The following CPED1 variants were observed in gnomAD, a reference collection of about 807,000 sequenced individuals.
The protein encoded by CPED1 is cadherin like and PC-esterase domain containing 1, also known as cadherin-like and PC-esterase domain-containing protein 1.
In CPED1, 114 loss-of-function variants were observed where a neutral mutation model predicts 128.2. The ratio of observed to expected loss-of-function variants is 0.89; its 90% CI spans 0.76 to 1.04. The LOEUF (loss-of-function observed/expected upper bound fraction) is 1.04, where lower values mean the gene tolerates loss of function less well. CPED1 is among the 50% of genes least tolerant of loss of function. The probability of loss-of-function intolerance (pLI) is 0.00; values close to 1 mark genes in which losing one functional copy is unlikely to be tolerated. For missense variants in CPED1, 1,211 were observed against 1,207.1 expected (o/e 1.00, Z -0.05); for synonymous variants, 462 against 426.7 (o/e 1.08, Z -1.02).
chr7:121,106,539 G>C (rs945732997), intron 7 of CPED1, among the ~76,000 whole-genome samples: 1 of 152,026 alleles, frequency 6.6e-6, no homozygotes, highest in Non-Finnish European at 1.5e-5. Flanking sequence ...AATCAGGTGA[G>C]GTAAGTTCAT....
chr7:121,031,358 T>A (rs1192532960), intron 3 of CPED1, among the ~76,000 whole-genome samples: 1 of 152,058 alleles, frequency 6.6e-6, no homozygotes, highest in Non-Finnish European at 1.5e-5. Context: ...GTTGCCCAGG[T>A]TGGAGGGCAG....
rs201842531 is a variant in CPED1, at chr7:121,047,646, T to TTTCTTCTTC, written c.540+716_540+724dup. ...TACAATTCGCCATCTAGATAGCACC[T>TTTCTTCTTC]TTCTTCTTCTTCTTCTTCTTCTTCT... On this transcript the variant is annotated intron_variant, in intron 4 of 22. Coordinates refer to ENST00000310396, the MANE Select transcript of CPED1 (RefSeq NM_024913.5). Among the ~76,000 whole-genome samples the TTTCTTCTTC allele has an allele frequency of 4.7e-3, 575 of 123,026 alleles. 10 individuals are homozygous for TTTCTTCTTC. The highest frequency in any genetic ancestry group is 0.016 in the East Asian group (72 of 4,394). The allele number at this position is 123,026 out of a possible 152,430, so 80.7% of individuals were successfully genotyped here.
rs539495834 is a variant in CPED1 at position 121,087,895 on chromosome 7, C to T, written c.617-9804C>T. Among the ~76,000 whole-genome samples the T allele has an allele frequency of 1.1e-4, 16 of 152,008 alleles. No individual in the cohort carries two copies. The South Asian group carries it at 1.3e-3, about 12-fold the overall frequency. Reference sequence around the variant, plus strand: ...CAGGCTGATCTTGAACTCCTGACCTCGTGATCCACCTGCTTCAGCCTCCTA... The same window carrying T: ...CAGGCTGATCTTGAACTCCTGACCTTGTGATCCACCTGCTTCAGCCTCCTA... On this transcript the variant is annotated intron_variant, in intron 5 of 22. Transcript: ENST00000310396.
chr7:121,096,470 G>A (rs1284172675), intron 5 of CPED1, among the ~76,000 whole-genome samples: 2 of 152,148 alleles, frequency 1.3e-5, no homozygotes, highest in African/African-American at 4.8e-5. Context: ...TACTGTTGGA[G>A]AGAGTGGAAA....
At chr7:121,034,251 T>TTC (rs1264537065) in intron 3 of CPED1, among the ~76,000 whole-genome samples, 30 of 142,034 alleles carry the variant, frequency 2.1e-4, no homozygotes, top group Non-Finnish European at 3.4e-4. Flanking sequence ...TTTTTTCTTT[T>TTC]TTTTTTTTTT....
intron 4 of CPED1, among the ~76,000 whole-genome samples, chr7:121,047,971 G>A (rs1793259969): frequency 6.6e-6 from 1 of 152,024 alleles, no homozygotes; most frequent in Admixed American, 6.6e-5. Context: ...CTCCCAAACT[G>A]CTGGGGATAA....
chr7:121,015,688 C>A lies in CPED1; in HGVS notation c.273C>A (p.His91Gln), dbSNP rs754217477. Reference sequence around the variant, plus strand: ...AGGTCAAAGAATCAATGGAGACACACTTTGGCAGCCATGGCCGAAGGGCCA... The same window carrying A: ...AGGTCAAAGAATCAATGGAGACACAATTTGGCAGCCATGGCCGAAGGGCCA... ...TRKVKESMET[H>Q]FGSHGRRAIL... The change falls in exon 3 of 23, where the codon CAC becomes CAA. Residue 91 changes from histidine (H) to glutamine (Q), a missense_variant. His to Gln is a conservative substitution (Grantham distance 24). Transcript: ENST00000310396. 6.2e-7 allele frequency: 1 copy of A among 1,601,324 alleles called. No individual in the cohort carries two copies.
At chr7:121,235,870 TATAAG>T (rs1798242679) in intron 16 of CPED1, among the ~76,000 whole-genome samples, 2 of 152,082 alleles carry the variant, frequency 1.3e-5, no homozygotes, top group Admixed American at 1.3e-4. Flanking sequence ...AGACCTAAAA[TATAAG>T]ATGTCTCCAT....
chr7:121,074,312 C>T (rs958801859), intron 5 of CPED1, among the ~76,000 whole-genome samples: 1 of 152,064 alleles, frequency 6.6e-6, no homozygotes, highest in Non-Finnish European at 1.5e-5. Context: ...GGCTCTTGTC[C>T]AGGCCTTGTT....
chr7:121,157,589 T>G (rs1469182101), intron 16 of CPED1, among the ~76,000 whole-genome samples: 1 of 152,134 alleles, frequency 6.6e-6, no homozygotes, highest in Non-Finnish European at 1.5e-5. Flanking sequence ...CTTTGACATC[T>G]AACACCTCAC....
chr7:121,108,449 T>A (rs1584516902), intron 7 of CPED1, among the ~76,000 whole-genome samples: 1 of 152,130 alleles, frequency 6.6e-6, no homozygotes, highest in African/African-American at 2.4e-5. Flanking sequence ...ATCCCTCAGA[T>A]GACTATATGT....
intron 18 of CPED1, 86 bp downstream of exon 18, chr7:121,244,424 T>A: frequency 7.1e-7 from 1 of 1,398,620 alleles, no homozygotes; most frequent in Admixed American, 1.9e-5. Context: ...CTAGACCAAT[T>A]CCTGCTGTCT....
chr7:121,101,654 C>T (rs1794853226), intron 7 of CPED1, among the ~76,000 whole-genome samples: 1 of 152,066 alleles, frequency 6.6e-6, no homozygotes. Flanking sequence ...GTTCATGGTT[C>T]TGCAGGCTGT....
intron 5 of CPED1, among the ~76,000 whole-genome samples, chr7:121,068,472 A>C (rs576717467): frequency 0.053 from 8,070 of 151,802 alleles, 229 homozygotes; most frequent in Middle Eastern, 0.12. Flanking sequence ...CCATTGGTCT[A>C]TATCTCTGTT....
At chr7:121,271,248 G>A in intron 21 of CPED1, 36 bp from the exon 22 acceptor site, 2 of 1,548,512 alleles carry the variant, frequency 1.3e-6, no homozygotes, top group Non-Finnish European at 1.8e-6. Context: ...CAATCCTCTG[G>A]TAATAAAAAT....
chr7:121,221,134 C>T (rs1000739338), intron 16 of CPED1, among the ~76,000 whole-genome samples: 3 of 152,180 alleles, frequency 2.0e-5, no homozygotes, highest in Middle Eastern at 3.4e-3. Context: ...ACCCGACAGG[C>T]CCCTGTGTGT....
chr7:121,163,282 T>G (rs1374639041), intron 16 of CPED1, among the ~76,000 whole-genome samples: 1 of 152,190 alleles, frequency 6.6e-6, no homozygotes, highest in Non-Finnish European at 1.5e-5. Context: ...AATTTTTTAG[T>G]CAATGTTCTT....
At chr7:121,205,210 A>C (rs1797491631) in intron 16 of CPED1, among the ~76,000 whole-genome samples, 1 of 152,114 alleles carries the variant, frequency 6.6e-6, no homozygotes, top group Non-Finnish European at 1.5e-5. Context: ...TCCATGTTTT[A>C]TGAGTGCATT....
chr7:121,295,834 T>A lies in CPED1; in HGVS notation c.*182T>A, dbSNP rs947348468. On this transcript the variant is annotated 3_prime_UTR_variant, in exon 23 of 23. Coordinates refer to ENST00000310396, the MANE Select transcript of CPED1 (RefSeq NM_024913.5). ...ATAATGATAACACTTCTTACAGCTT[T>A]ATGAATTCAAGATGTGACCTTGAAC... The A allele has an allele frequency of 1.3e-5, 7 of 525,784 alleles. No individual in the cohort carries two copies. In the African/African-American group the frequency reaches 1.3e-4, roughly 10 times the overall value. 32.6% of individuals were successfully genotyped at this position (525,784 alleles called of 1,614,324 possible). A position where few individuals can be genotyped will look rare whatever the true frequency, so the allele number is the denominator to read the frequency against.
Sources: allele counts gnomAD v4.1 joint callset (sites outside exome capture counted in the v4.1 genomes callset), GRCh38; gene constraint gnomAD v4.1.1; transcripts MANE v1.5; gene names NCBI Gene and HGNC (gene_info 2026-07-23, HGNC 2026-07-21).